The following SDF4 variants were observed in gnomAD, a reference collection of about 807,000 sequenced individuals.
The protein encoded by SDF4 is stromal cell derived factor 4.
A neutral mutation model predicts 34.2 loss-of-function variants in SDF4; 22 were observed. The observed-to-expected ratio is 0.64, with a 90% CI of 0.46 to 0.92. The LOEUF (loss-of-function observed/expected upper bound fraction) is 0.92. Ranked by LOEUF, SDF4 falls within the 40% of genes least tolerant of loss-of-function variation. The probability of loss-of-function intolerance (pLI) is 0.00; values close to 1 mark genes in which losing one functional copy is unlikely to be tolerated. For missense variants in SDF4, 447 were observed against 499.9 expected, an observed-to-expected ratio of 0.89 and a Z score of 1.01; for synonymous variants, 236 against 203.1, an observed-to-expected ratio of 1.16 and a Z score of -1.38.
intron 1 of SDF4, among the ~76,000 whole-genome samples, chr1:1,230,202 G>A (rs1163324893): frequency 6.6e-6 from 1 of 152,248 alleles, no homozygotes; most frequent in Admixed American, 6.5e-5. Flanking sequence ...AACACACATG[G>A]ACTGAGACTC....
At chr1:1,230,155 TGCC>T (rs1362011993) in intron 1 of SDF4, among the ~76,000 whole-genome samples, 1 of 152,164 alleles carries the variant, frequency 6.6e-6, no homozygotes, top group African/African-American at 2.4e-5. Context: ...TCCTTTCGGG[TGCC>T]GCTGAGGCCC....
rs562050726 is a variant in SDF4, at chr1:1,229,551, G to A, written c.-174-605C>T. Among the ~76,000 whole-genome samples the A allele has an allele frequency of 2.7e-4, 41 of 152,128 alleles. No homozygotes were observed. In the South Asian group the frequency reaches 3.1e-3, roughly 12 times the overall value. On this transcript the variant is annotated intron_variant, in intron 1 of 6. Transcript: ENST00000360001. Reference sequence around the variant, plus strand: ...ACTGAGTTTTCAGCCCTGTCTCTCCGTCTTTCCATCTCTCTCTCGAGCTGT... The same window carrying A: ...ACTGAGTTTTCAGCCCTGTCTCTCCATCTTTCCATCTCTCTCTCGAGCTGT...
At chr1:1,220,302 C>A (rs573667963) in intron 4 of SDF4, 30 of 1,092,162 alleles carry the variant, frequency 2.7e-5, no homozygotes, top group Admixed American at 4.6e-5. Context: ...AGAGAGGCAG[C>A]GATGGAGGCG....
chr1:1,218,946 G>A lies in SDF4; in HGVS notation c.557-19C>T. On this transcript the variant is annotated intron_variant, in intron 4 of 6. Coordinates refer to ENST00000360001, the MANE Select transcript of SDF4 (RefSeq NM_016176.6). The surrounding 1 kb of genome is among the most constrained non-coding windows in gnomAD (Gnocchi z 7.9). The stretch of plus-strand genomic sequence containing the variant: ...TCCTGTGCTGAGAGGGGCGCAGCCT[G>A]TGGGTATCGAGGCCGACAGACGCCA... The A allele has an allele frequency of 1.2e-6, 2 of 1,611,598 alleles. No individual in the cohort carries two copies. The highest frequency in any genetic ancestry group is 1.7e-6 in the Non-Finnish European group (2 of 1,179,290).
At chr1:1,227,972 T>C (rs1638366135) in intron 2 of SDF4, among the ~76,000 whole-genome samples, 1 of 152,166 alleles carries the variant, frequency 6.6e-6, no homozygotes, top group Non-Finnish European at 1.5e-5. Flanking sequence ...AGCCTGCGTG[T>C]GATACGCGGC....
chr1:1,221,641 CAATTAAA>C (rs908727092), intron 4 of SDF4, among the ~76,000 whole-genome samples: 12 of 152,112 alleles, frequency 7.9e-5, no homozygotes, highest in South Asian at 4.2e-4. Context: ...CACTCTTAAA[CAATTAAA>C]AATTAAAAAT....
intron 2 of SDF4, 37 bp downstream of exon 2, chr1:1,228,431 G>GAACA (rs1553150557): frequency 1.3e-6 from 2 of 1,558,806 alleles, no homozygotes; most frequent in Non-Finnish European, 1.7e-6. Flanking sequence ...GAGCGCACGC[G>GAACA]GACAGCCCCC....
intron 4 of SDF4, 121 bp downstream of exon 4, chr1:1,223,123 T>A: frequency 1.4e-6 from 1 of 721,590 alleles, no homozygotes; most frequent in East Asian, 2.6e-5. Context: ...ACACACGTAC[T>A]CACGAGCACA....
At position 1,217,763 on chromosome 1, in the gene SDF4, A is replaced by C. The variant is rs774970991; in HGVS notation, c.892-75T>G. 6.2e-7 allele frequency: 1 copy of C among 1,604,294 alleles called. No homozygotes were observed. Among genetic ancestry groups the C allele is most frequent in the Non-Finnish European group, 8.5e-7 (1 of 1,176,362 alleles). On this transcript the variant is annotated intron_variant, in intron 6 of 6. Transcript: ENST00000360001. The surrounding 1 kb of genome is among the most constrained non-coding windows in gnomAD (Gnocchi z 8.5). ...CCGCGGCCAGCCGCACGAAGTGGCTATTTAAGGTGCCTATTGGCTGCAGCG... is the reference window on the plus strand; with the variant it reads ...CCGCGGCCAGCCGCACGAAGTGGCTCTTTAAGGTGCCTATTGGCTGCAGCG...
rs1175555089 is a variant in SDF4 at position 1,217,474 on chromosome 1, G to A, written c.*38C>T. On this transcript the variant is annotated 3_prime_UTR_variant, in exon 7 of 7. Coordinates refer to ENST00000360001, the MANE Select transcript of SDF4 (RefSeq NM_016176.6). The surrounding 1 kb of genome is among the most constrained non-coding windows in gnomAD (Gnocchi z 8.5). ...CGGAGTCACCCGCGAGGCCGCCCCGGTGGTGCGTGGGGGGCGGCGCGGGGC... is the reference window on the plus strand; with the variant it reads ...CGGAGTCACCCGCGAGGCCGCCCCGATGGTGCGTGGGGGGCGGCGCGGGGC... 14 of 1,434,118 alleles carry A rather than the reference G, an allele frequency of 9.8e-6. No homozygotes were observed. The highest frequency in any genetic ancestry group is 1.2e-5 in the Non-Finnish European group (13 of 1,091,970). The allele number at this position is 1,434,118 out of a possible 1,614,324, so 88.8% of individuals were successfully genotyped here.
At chr1:1,226,912 G>C (rs1053482102) in intron 2 of SDF4, among the ~76,000 whole-genome samples, 1 of 152,180 alleles carries the variant, frequency 6.6e-6, no homozygotes, top group Non-Finnish European at 1.5e-5. Flanking sequence ...TGAGCTCAGG[G>C]GTGGTGAACC....
At chr1:1,229,643 C>G (rs551914151) in intron 1 of SDF4, among the ~76,000 whole-genome samples, 3 of 152,210 alleles carry the variant, frequency 2.0e-5, no homozygotes, top group Non-Finnish European at 2.9e-5. Flanking sequence ...CTGTGGGGCC[C>G]GGCTCTGTCC....
chr1:1,217,422 G>A lies in SDF4; in HGVS notation c.*90C>T. 1.7e-6 allele frequency: 2 copies of A among 1,153,276 alleles called. No individual in the cohort carries two copies. The highest frequency in any genetic ancestry group is 4.6e-5 in the South Asian group (2 of 43,622). 71.4% of individuals were successfully genotyped at this position (1,153,276 alleles called of 1,614,324 possible). A position where few individuals can be genotyped will look rare whatever the true frequency, so the allele number is the denominator to read the frequency against. ...GGCCGGTGGCGGGCGGCAGGGAAGAGGTGGGGTCCGGGACAGCCACGGAGC... is the reference window on the plus strand; with the variant it reads ...GGCCGGTGGCGGGCGGCAGGGAAGAAGTGGGGTCCGGGACAGCCACGGAGC... On this transcript the variant is annotated 3_prime_UTR_variant, in exon 7 of 7. Coordinates refer to ENST00000360001, the MANE Select transcript of SDF4 (RefSeq NM_016176.6). The surrounding 1 kb of genome is among the most constrained non-coding windows in gnomAD (Gnocchi z 8.5).
chr1:1,227,878 G>A (rs1454399892), intron 2 of SDF4, among the ~76,000 whole-genome samples: 1 of 152,186 alleles, frequency 6.6e-6, no homozygotes, highest in Non-Finnish European at 1.5e-5. Context: ...CAGGGTGGGG[G>A]CAGTGACGGC....
intron 2 of SDF4, among the ~76,000 whole-genome samples, chr1:1,224,332 T>C (rs928419089): frequency 6.6e-6 from 1 of 152,186 alleles, no homozygotes; most frequent in African/African-American, 2.4e-5. Context: ...CAGGCTGGAG[T>C]GTGGTGGCGC....
At position 1,228,476 on chromosome 1, in the gene SDF4, G is replaced by T; in HGVS notation, c.297C>A (p.Ile99=). The part of the protein sequence containing the change: ...PRRSRRKLMV[I]FSKVDVNTDR... ...CACATGGCGGCACCTACTTGGAAAA[G>T]ATGACCATCAGCTTCCTCCGGCTCC... The change falls in exon 2 of 7, where the codon ATC becomes ATA. Residue 99 remains isoleucine, a synonymous_variant. Coordinates refer to ENST00000360001, the MANE Select transcript of SDF4 (RefSeq NM_016176.6). 6.2e-7 allele frequency: 1 copy of T among 1,603,230 alleles called. No homozygotes were observed. Among genetic ancestry groups the T allele is most frequent in the Non-Finnish European group, 8.5e-7 (1 of 1,173,250 alleles).
Position 1,219,568 on chromosome 1 carries a change from G to A in SDF4, c.557-641C>T, listed in dbSNP as rs557463667. On this transcript the variant is annotated intron_variant, in intron 4 of 6. Transcript: ENST00000360001. ...AGTTTCTAGAAATGACTGAGACTGGGGCTGAGCAGAGCTTCCCAGGAACCC... is the reference window on the plus strand; with the variant it reads ...AGTTTCTAGAAATGACTGAGACTGGAGCTGAGCAGAGCTTCCCAGGAACCC... 4 of 989,010 alleles carry A rather than the reference G, an allele frequency of 4.0e-6. 1 individual carries two copies. The highest frequency in any genetic ancestry group is 2.3e-4 in the East Asian group (2 of 8,836). The allele number at this position is 989,010 out of a possible 1,614,324, so 61.3% of individuals were successfully genotyped here.
rs915439166 is a variant in SDF4, at chr1:1,217,683, G to A, written c.897C>T (p.Tyr299=). 1 of 1,613,792 alleles carries A rather than the reference G, an allele frequency of 6.2e-7. No homozygotes were observed. Among genetic ancestry groups the A allele is most frequent in the South Asian group, 1.1e-5 (1 of 91,074 alleles). ...CGTTGTACTCGTTCATGGGGTCCAT[G>A]TAGCTCTGCGGGCGAGCGGGGCACA... ...GIVTAEELES[Y]MDPMNEYNAL... is the part of the protein sequence containing the mutation. The change falls in exon 7 of 7, where the codon TAC becomes TAT. Residue 299 remains tyrosine, a synonymous_variant. Coordinates refer to ENST00000360001, the MANE Select transcript of SDF4 (RefSeq NM_016176.6). This position sits in a 1 kb window ranked among gnomAD's most constrained non-coding sequence, Gnocchi z 8.5.
intron 4 of SDF4, among the ~76,000 whole-genome samples, chr1:1,222,142 C>T (rs546886190): frequency 2.0e-5 from 3 of 152,232 alleles, no homozygotes; most frequent in Non-Finnish European, 2.9e-5. Flanking sequence ...CCCAGGATGC[C>T]GGGCAGCGAC....
Sources: allele counts gnomAD v4.1 joint callset (sites outside exome capture counted in the v4.1 genomes callset), GRCh38; gene constraint gnomAD v4.1.1; non-coding constraint Gnocchi (gnomAD v3.1); transcripts MANE v1.5; gene names NCBI Gene and HGNC (gene_info 2026-07-23, HGNC 2026-07-21).